Variants in SNTB2 observed in about 807,000 individuals in gnomAD.
The protein encoded by SNTB2 is syntrophin beta 2.
Under a neutral mutation model 46.2 loss-of-function variants are expected in SNTB2, and 34 were observed. The observed-to-expected ratio is 0.74, with a 90% CI of 0.56 to 0.98. SNTB2 has a LOEUF of 0.98. Among genes scored for constraint, SNTB2 ranks in the 50% least tolerant of loss-of-function variants. SNTB2 has a pLI of 0.00. For missense variants in SNTB2, 603 were observed against 731.4 expected (o/e 0.82, Z 2.02); for synonymous variants, 290 against 312.6 (o/e 0.93, Z 0.76).
chr16:69,196,188 A>G (rs1964103779), intron 1 of SNTB2, among the ~76,000 whole-genome samples: 1 of 152,042 alleles, frequency 6.6e-6, no homozygotes, highest in Non-Finnish European at 1.5e-5. Flanking sequence ...GCAGTGAGCC[A>G]TGTTTGAGCC....
Position 69,283,959 on chromosome 16 carries a change from TAA to T in SNTB2, c.1149-88_1149-87del. On this transcript the variant is annotated intron_variant, in intron 4 of 6. Transcript: ENST00000336278. ...ATCCAAAAACTGCTGATTGCTTTTA[TAA>T]GTTTCTCTTATCAATGAGCACAAAT... The T allele has an allele frequency of 8.1e-6, 10 of 1,234,252 alleles. No homozygotes were observed. The South Asian group carries it at 1.5e-4, about 18-fold the overall frequency. The allele number at this position is 1,234,252 out of a possible 1,614,324, so 76.5% of individuals were successfully genotyped here.
Position 69,284,230 on chromosome 16 carries a change from A to G in SNTB2, c.1331A>G (p.Lys444Arg). 6.2e-7 allele frequency: 1 copy of G among 1,610,806 alleles called. No individual in the cohort carries two copies. The highest frequency in any genetic ancestry group is 8.5e-7 in the Non-Finnish European group (1 of 1,178,368). The change falls in exon 5 of 7, where the codon AAG (lysine) becomes AGG (arginine). Residue 444 changes from lysine to arginine, a missense_variant. Coordinates refer to ENST00000336278, the MANE Select transcript of SNTB2 (RefSeq NM_006750.4). ...TGCCATGCTGCTGCTGAGCTGATCA[A>G]GGAAGTCTCTCTAGGTAGAGATGCT... Reference protein sequence around the residue: ...QGCHAAAELIKEVSLGCMLNG... With the variant: ...QGCHAAAELIREVSLGCMLNG...
At chr16:69,294,730 C>CTAAAA (rs959286079) in intron 5 of SNTB2, among the ~76,000 whole-genome samples, 5 of 151,936 alleles carry the variant, frequency 3.3e-5, no homozygotes, top group Admixed American at 6.6e-5. Context: ...GAGACTCCAT[C>CTAAAA]TAAAATAAAA....
intron 4 of SNTB2, among the ~76,000 whole-genome samples, chr16:69,278,874 G>A (rs1339618635): frequency 6.7e-6 from 1 of 148,758 alleles, no homozygotes; most frequent in Non-Finnish European, 1.5e-5. Flanking sequence ...TTTATTGATG[G>A]ACAGAGGTGG....
intron 2 of SNTB2, among the ~76,000 whole-genome samples, chr16:69,248,699 C>G (rs1964694915): frequency 6.6e-6 from 1 of 152,038 alleles, no homozygotes; most frequent in African/African-American, 2.4e-5. Flanking sequence ...GTGGCTCACA[C>G]CTATCATCCC....
chr16:69,272,627 C>T (rs1382145929), intron 4 of SNTB2, among the ~76,000 whole-genome samples: 1 of 150,274 alleles, frequency 6.7e-6, no homozygotes, highest in Admixed American at 6.7e-5. Context: ...CGCAGTGGCT[C>T]ACGCCTGTAA....
At chr16:69,214,204 C>T (rs770019262) in intron 1 of SNTB2, among the ~76,000 whole-genome samples, 1 of 149,646 alleles carries the variant, frequency 6.7e-6, no homozygotes, top group Admixed American at 6.7e-5. Context: ...GATCTCGGCT[C>T]ACTGCAACCT....
chr16:69,260,281 G>T, intron 3 of SNTB2, 21 bp downstream of exon 3: 1 of 1,609,244 alleles, frequency 6.2e-7, no homozygotes, highest in Non-Finnish European at 8.5e-7. Context: ...AGGCAGGGCA[G>T]AGTATCACCT....
chr16:69,236,932 C>T (rs2152295711), intron 1 of SNTB2, among the ~76,000 whole-genome samples: 1 of 152,252 alleles, frequency 6.6e-6, no homozygotes, highest in Non-Finnish European at 1.5e-5. Flanking sequence ...GAGTGTGCTT[C>T]ACACCAGGCT....
chr16:69,281,086 C>T (rs1402750939), intron 4 of SNTB2, among the ~76,000 whole-genome samples: 3 of 152,146 alleles, frequency 2.0e-5, no homozygotes, highest in Admixed American at 2.0e-4. Context: ...TGAGCCACCG[C>T]GCCCGGCCTC....
intron 1 of SNTB2, among the ~76,000 whole-genome samples, chr16:69,193,133 G>A (rs1964070251): frequency 6.6e-6 from 1 of 151,610 alleles, no homozygotes; most frequent in Non-Finnish European, 1.5e-5. Flanking sequence ...GGTCATTCCT[G>A]TAATCTCAGC....
At chr16:69,265,522 C>G (rs2143105175) in intron 3 of SNTB2, among the ~76,000 whole-genome samples, 2 of 152,132 alleles carry the variant, frequency 1.3e-5, no homozygotes, top group Middle Eastern at 6.8e-3. Context: ...CTATCCACCT[C>G]TGTTTATTAG....
chr16:69,209,961 T>C (rs114026838), intron 1 of SNTB2, among the ~76,000 whole-genome samples: 3,454 of 152,096 alleles, frequency 0.023, 135 homozygotes, highest in African/African-American at 0.079. Flanking sequence ...ATCCCCATTA[T>C]TGTAATTTCT....
chr16:69,216,610 G>T (rs1964349576), intron 1 of SNTB2, among the ~76,000 whole-genome samples: 1 of 151,798 alleles, frequency 6.6e-6, no homozygotes, highest in Non-Finnish European at 1.5e-5. Context: ...GCTTATACAT[G>T]GGAAGTCACA....
intron 2 of SNTB2, among the ~76,000 whole-genome samples, chr16:69,252,845 T>C (rs1277564785): frequency 1.3e-5 from 2 of 152,196 alleles, no homozygotes; most frequent in Non-Finnish European, 2.9e-5. Flanking sequence ...AAAGTTTTCA[T>C]TGGAATTTTC....
intron 5 of SNTB2, among the ~76,000 whole-genome samples, chr16:69,289,296 T>A (rs1316976225): frequency 1.4e-5 from 2 of 147,540 alleles, no homozygotes; most frequent in African/African-American, 5.0e-5. Flanking sequence ...AAAATGTTGA[T>A]CTCATGGATG....
Position 69,306,219 on chromosome 16 carries a change from A to G in SNTB2, c.*5295A>G, listed in dbSNP as rs1210713819. The G allele has an allele frequency of 6.6e-6, 1 of 152,164 alleles. No homozygotes were observed. Among genetic ancestry groups the G allele is most frequent in the Non-Finnish European group, 1.5e-5 (1 of 68,028 alleles). The allele number at this position is 152,164 out of a possible 1,614,324, so 9.4% of individuals were successfully genotyped here. ...CACAATAAATAGGCACATAGAGGAC[A>G]TCTGTTTTTGTTTTTGGTTTTGGTT... On this transcript the variant is annotated 3_prime_UTR_variant, in exon 7 of 7. Transcript: ENST00000336278.
intron 2 of SNTB2, among the ~76,000 whole-genome samples, chr16:69,253,876 A>G: frequency 6.6e-6 from 1 of 152,090 alleles, no homozygotes; most frequent in East Asian, 1.9e-4. Context: ...AATGTCTGAG[A>G]GATTGTCCTA....
intron 4 of SNTB2, among the ~76,000 whole-genome samples, chr16:69,278,443 C>CT (rs928851844): frequency 6.7e-6 from 1 of 149,644 alleles, no homozygotes. Context: ...GTATACTTCA[C>CT]TTTTTTTTGT....
Sources: allele counts gnomAD v4.1 joint callset (sites outside exome capture counted in the v4.1 genomes callset), GRCh38; gene constraint gnomAD v4.1.1; transcripts MANE v1.5; gene names NCBI Gene and HGNC (gene_info 2026-07-23, HGNC 2026-07-21).